PLEKHA5: variants seen among roughly 807,000 people sequenced by gnomAD.
The protein encoded by PLEKHA5 is pleckstrin homology domain-containing family A member 5.
PLEKHA5 carries 55 observed loss-of-function variants against 181.9 expected under a neutral mutation model. The observed-to-expected ratio is 0.30, with a 90% CI of 0.24 to 0.38. PLEKHA5 has a LOEUF of 0.38. Among genes scored for constraint, PLEKHA5 ranks in the 10% least tolerant of loss-of-function variants. The pLI is 1.00. For synonymous variants in PLEKHA5, 535 were observed against 529.4 expected (o/e 1.01, Z -0.15); for missense variants, 1,432 against 1,549.5 (o/e 0.92, Z 1.27).
chr12:19,153,397 AC>A (rs35323322), intron 3 of PLEKHA5: 20 of 152,248 alleles, frequency 1.3e-4, no homozygotes, highest in African/African-American at 4.3e-4. Flanking sequence ...GTTGGGATCA[AC>A]CCAACTTGGT....
chr12:19,162,512 G>T (rs1447478393), intron 3 of PLEKHA5, among the ~76,000 whole-genome samples: 2 of 151,334 alleles, frequency 1.3e-5, no homozygotes, highest in African/African-American at 4.9e-5. Context: ...CATGTGAAAT[G>T]ATTGACAAAT....
At chr12:19,335,422 A>T (rs1024180989) in intron 20 of PLEKHA5, among the ~76,000 whole-genome samples, 29 of 142,492 alleles carry the variant, frequency 2.0e-4, no homozygotes, top group East Asian at 8.3e-4. Flanking sequence ...TACTTTATTT[A>T]TTTTTTTTTT....
intron 10 of PLEKHA5, among the ~76,000 whole-genome samples, chr12:19,272,073 T>A (rs1004432830): frequency 6.6e-6 from 1 of 152,196 alleles, no homozygotes; most frequent in Non-Finnish European, 1.5e-5. Flanking sequence ...AGTTTTTAAC[T>A]TGAGAGTTCA....
rs2032992900 is a variant in PLEKHA5, at chr12:19,130,069, C to T, written c.108C>T (p.Thr36=). The change falls in exon 2 of 32, where the codon ACC becomes ACT. Residue 36 remains threonine, a synonymous_variant. Coordinates refer to ENST00000429027, the MANE Select transcript of PLEKHA5 (RefSeq NM_001256470.2). This position sits in a 1 kb window ranked among gnomAD's most constrained non-coding sequence, Gnocchi z 4.5. ...VFFINEEAKS[T]TWLHPVTGEA... ...CCTGCAGCGAGGAGGCCAAGAGCAC[C>T]ACCTGGCTGCACCCCGTCACCGGCG... 1 of 1,590,836 alleles carries T rather than the reference C, an allele frequency of 6.3e-7. No homozygotes were observed.
chr12:19,263,620 A>G (rs1054224788), intron 7 of PLEKHA5, among the ~76,000 whole-genome samples: 4 of 152,222 alleles, frequency 2.6e-5, no homozygotes, highest in African/African-American at 9.7e-5. Flanking sequence ...GATATTCCCA[A>G]ATATCTTTAA....
intron 15 of PLEKHA5, among the ~76,000 whole-genome samples, chr12:19,297,213 C>A (rs2080044524): frequency 6.6e-6 from 1 of 152,054 alleles, no homozygotes. Context: ...TGATATTCTA[C>A]TGCAGTAACC....
intron 3 of PLEKHA5, chr12:19,207,425 A>G (rs2152122038): frequency 6.6e-6 from 1 of 152,276 alleles, no homozygotes; most frequent in African/African-American, 2.4e-5. Context: ...AGGTTTCTAG[A>G]TATTAAGCAT....
At chr12:19,373,055 A>T (rs986513565) in intron 31 of PLEKHA5, 5 of 152,302 alleles carry the variant, frequency 3.3e-5, no homozygotes, top group Non-Finnish European at 5.9e-5. Context: ...AGATTGAGCC[A>T]TCACGCCTGG....
chr12:19,265,474 A>G (rs1206165969), intron 7 of PLEKHA5, among the ~76,000 whole-genome samples: 1 of 152,208 alleles, frequency 6.6e-6, no homozygotes, highest in African/African-American at 2.4e-5. Context: ...TTTAAATCCT[A>G]TCAGAGATGT....
At chr12:19,144,336 A>G (rs1030147756) in intron 3 of PLEKHA5, among the ~76,000 whole-genome samples, 2 of 152,186 alleles carry the variant, frequency 1.3e-5, no homozygotes, top group African/African-American at 4.8e-5. Context: ...CATGCGGTAT[A>G]ACTGAGGTCA....
intron 3 of PLEKHA5, among the ~76,000 whole-genome samples, chr12:19,242,955 T>C (rs575818452): frequency 1.3e-5 from 2 of 152,342 alleles, no homozygotes; most frequent in South Asian, 4.1e-4. Context: ...GAAATGATTA[T>C]GAAGCTTCCA....
At chr12:19,147,450 C>T (rs2039199348) in intron 3 of PLEKHA5, among the ~76,000 whole-genome samples, 1 of 152,050 alleles carries the variant, frequency 6.6e-6, no homozygotes, top group African/African-American at 2.4e-5. Context: ...GTTAGGGACA[C>T]TTACATAGGT....
chr12:19,305,619 G>T (rs2152944261), intron 15 of PLEKHA5, among the ~76,000 whole-genome samples: 1 of 151,162 alleles, frequency 6.6e-6, no homozygotes, highest in African/African-American at 2.4e-5. Flanking sequence ...AGCACTTTGG[G>T]AGGCCAAGGC....
Position 19,129,875 on chromosome 12 carries a change from G to T in PLEKHA5, c.76G>T (p.Val26Phe). The T allele has an allele frequency of 6.2e-7, 1 of 1,603,620 alleles. No individual in the cohort carries two copies. The highest frequency in any genetic ancestry group is 8.5e-7 in the Non-Finnish European group (1 of 1,175,572). The change falls in exon 1 of 32, where the codon GTC (valine) becomes TTC (phenylalanine). Residue 26 changes from valine (V) to phenylalanine (F), a missense_variant. By Grantham distance (50) the Val-to-Phe change is conservative. This residue lies in a region of PLEKHA5 where 289 missense variants were observed against 381.1 expected (regional missense o/e 0.76). Transcript: ENST00000429027. Reference sequence around the variant, plus strand: ...TTACGGGATCACCAGGGGCGGCCGAGTCTTCTTCATCAAGTAAAGAGCCGG... The same window carrying T: ...TTACGGGATCACCAGGGGCGGCCGATTCTTCTTCATCAAGTAAAGAGCCGG... ...WTYGITRGGR[V>F]FFINEEAKST...
At chr12:19,281,184 T>G (rs2076043511) in intron 11 of PLEKHA5, among the ~76,000 whole-genome samples, 1 of 147,470 alleles carries the variant, frequency 6.8e-6, no homozygotes, top group Non-Finnish European at 1.5e-5. Flanking sequence ...TGCAGTGTAC[T>G]CCACTGCACT....
chr12:19,307,535 T>TA, intron 15 of PLEKHA5: 1 of 319,498 alleles, frequency 3.1e-6, no homozygotes, highest in Non-Finnish European at 6.3e-6. Flanking sequence ...TTTCGGCTGC[T>TA]ATAGAACCAG....
At chr12:19,366,834 G>GA (rs2153276116) in intron 30 of PLEKHA5, among the ~76,000 whole-genome samples, 1 of 152,164 alleles carries the variant, frequency 6.6e-6, no homozygotes, top group African/African-American at 2.4e-5. Flanking sequence ...TTCAATTGTA[G>GA]AAAATTATTA....
chr12:19,271,766 A>G (rs1411515877), intron 10 of PLEKHA5, among the ~76,000 whole-genome samples: 1 of 152,164 alleles, frequency 6.6e-6, no homozygotes, highest in Non-Finnish European at 1.5e-5. Flanking sequence ...CTGATAGTTC[A>G]CTAGTTAGGT....
chr12:19,196,794 G>C, intron 3 of PLEKHA5, among the ~76,000 whole-genome samples: 1 of 123,328 alleles, frequency 8.1e-6, no homozygotes, highest in Non-Finnish European at 1.7e-5. Flanking sequence ...TTTTTAACTT[G>C]TTTTTTCTTT....
Sources: allele counts gnomAD v4.1 joint callset (sites outside exome capture counted in the v4.1 genomes callset), GRCh38; gene constraint gnomAD v4.1.1; regional missense constraint gnomAD v4.1.1; non-coding constraint Gnocchi (gnomAD v3.1); transcripts MANE v1.5; gene names NCBI Gene and HGNC (gene_info 2026-07-23, HGNC 2026-07-21).